The following NEK1 variants were observed in gnomAD, a reference collection of about 807,000 sequenced individuals.
NEK1 encodes serine/threonine-protein kinase Nek1.
Under a neutral mutation model 182.1 loss-of-function variants are expected in NEK1, and 137 were observed. The ratio of observed to expected loss-of-function variants is 0.75; its 90% CI spans 0.65 to 0.87. NEK1 has a LOEUF of 0.87. Ranked by LOEUF, NEK1 falls within the 40% of genes least tolerant of loss-of-function variation. NEK1 has a pLI of 0.00. For synonymous variants in NEK1, 513 were observed against 492.2 expected, an observed-to-expected ratio of 1.04 and a Z score of -0.56; for missense variants, 1,391 against 1,494.4, an observed-to-expected ratio of 0.93 and a Z score of 1.14.
At chr4:169,445,457 G>T (rs1375902751) in intron 27 of NEK1, among the ~76,000 whole-genome samples, 2 of 152,018 alleles carry the variant, frequency 1.3e-5, no homozygotes, top group Non-Finnish European at 2.9e-5. Flanking sequence ...AATAAATAAT[G>T]TAATGATGTA....
At chr4:169,441,354 T>C (rs1739418859) in intron 27 of NEK1, among the ~76,000 whole-genome samples, 1 of 152,194 alleles carries the variant, frequency 6.6e-6, no homozygotes, top group East Asian at 1.9e-4. Flanking sequence ...CTGAGAATGC[T>C]ACCTGGTAGC....
At chr4:169,534,231 G>C (rs1356800414) in intron 19 of NEK1, among the ~76,000 whole-genome samples, 2 of 152,186 alleles carry the variant, frequency 1.3e-5, no homozygotes, top group Non-Finnish European at 2.9e-5. Flanking sequence ...ATATGAAATG[G>C]TTTTCAAACA....
At chr4:169,421,117 TC>T (rs1175624179) in intron 31 of NEK1, among the ~76,000 whole-genome samples, 3 of 152,168 alleles carry the variant, frequency 2.0e-5, no homozygotes, top group Non-Finnish European at 2.9e-5. Flanking sequence ...ATAAAAGGAT[TC>T]ATTTCATGGT....
At chr4:169,542,880 G>A (rs566771770) in intron 18 of NEK1, among the ~76,000 whole-genome samples, 1 of 152,102 alleles carries the variant, frequency 6.6e-6, no homozygotes, top group Non-Finnish European at 1.5e-5. Context: ...GTAGATTCTG[G>A]ATATTAGCCC....
chr4:169,445,842 C>CTATATATATATATATA (rs1206499120), intron 27 of NEK1, among the ~76,000 whole-genome samples: 2 of 108,536 alleles, frequency 1.8e-5, no homozygotes, highest in African/African-American at 9.6e-5. Flanking sequence ...AACAAAACAA[C>CTATATATATATATATA]TATATACATA....
chr4:169,431,940 C>T (rs1737524653), intron 29 of NEK1, among the ~76,000 whole-genome samples: 2 of 151,814 alleles, frequency 1.3e-5, no homozygotes, highest in South Asian at 4.2e-4. Context: ...CACACACACA[C>T]ACACACACAA....
At position 169,477,361 on chromosome 4, in the gene NEK1, C is replaced by A; in HGVS notation, c.2206-9G>T. 6.4e-7 allele frequency: 1 copy of A among 1,559,426 alleles called. No individual in the cohort carries two copies. Among genetic ancestry groups the A allele is most frequent in the South Asian group, 1.2e-5 (1 of 84,170 alleles). On this transcript the variant is annotated splice_polypyrimidine_tract_variant and intron_variant, in intron 25 of 35. Coordinates refer to ENST00000507142, the MANE Select transcript of NEK1 (RefSeq NM_001199397.3). ...AGTATTTCTCGCTTACTCTGAAAGT[C>A]ACGACATTATATATTTTAATATGTA...
intron 23 of NEK1, among the ~76,000 whole-genome samples, chr4:169,487,337 C>T (rs1464688337): frequency 6.6e-6 from 1 of 152,136 alleles, no homozygotes; most frequent in Non-Finnish European, 1.5e-5. Flanking sequence ...TCAAAAGCCC[C>T]AATGTGTGTT....
chr4:169,400,694 G>C, intron 33 of NEK1, 43 bp from the exon 34 acceptor site: 1 of 1,451,896 alleles, frequency 6.9e-7, no homozygotes, highest in Admixed American at 2.1e-5. Flanking sequence ...TAAAAAGACT[G>C]AATAACTCAT....
At chr4:169,590,902 G>C in intron 5 of NEK1, 93 bp from the exon 6 acceptor site, 1 of 806,620 alleles carries the variant, frequency 1.2e-6, no homozygotes, top group East Asian at 2.7e-5. Flanking sequence ...TCCTTAAAAA[G>C]ATATTTTAGG....
chr4:169,398,986 A>G (rs1731172953), intron 35 of NEK1, among the ~76,000 whole-genome samples: 2 of 152,146 alleles, frequency 1.3e-5, no homozygotes, highest in Non-Finnish European at 2.9e-5. Flanking sequence ...AGTGGCTCAC[A>G]CCTGTAATCC....
chr4:169,589,604 A>T (rs1581003786), intron 6 of NEK1, 90 bp from the exon 7 acceptor site: 5 of 848,744 alleles, frequency 5.9e-6, no homozygotes, highest in Admixed American at 3.2e-5. Flanking sequence ...AAATCCAGTT[A>T]AAAAAATTGT....
intron 5 of NEK1, among the ~76,000 whole-genome samples, chr4:169,594,697 T>C (rs1769135592): frequency 6.6e-6 from 1 of 152,232 alleles, no homozygotes; most frequent in Non-Finnish European, 1.5e-5. Flanking sequence ...TTCAGGATAC[T>C]TCTCACTAAA....
In NEK1 at chr4:169,543,036, G is replaced by A. The variant is rs140966988; in HGVS notation, c.1563-5125C>T. Among the ~76,000 whole-genome samples the A allele has an allele frequency of 3.5e-3, 525 of 152,076 alleles. 3 individuals are homozygous for A. The highest frequency in any genetic ancestry group is 9.6e-3 in the African/African-American group (398 of 41,482). On this transcript the variant is annotated intron_variant, in intron 18 of 35. Transcript: ENST00000507142. ...TTTATTTTTAGTTGCCATTGTTTTG[G>A]GTGTTTTAGTCATGAAGTCTTTGAC... is the stretch of plus-strand genomic sequence containing the variant.
At chr4:169,521,543 T>C (rs34335628) in intron 19 of NEK1, among the ~76,000 whole-genome samples, 6,266 of 152,300 alleles carry the variant, frequency 0.041, 169 homozygotes, top group African/African-American at 0.063. Flanking sequence ...TGCAATAACT[T>C]CTTAGTGCAT....
chr4:169,589,998 A>G (rs138525853), intron 6 of NEK1, among the ~76,000 whole-genome samples: 301 of 152,268 alleles, frequency 2.0e-3, no homozygotes, highest in African/African-American at 7.1e-3. Context: ...AAAAAACCAA[A>G]TAGTATGACT....
chr4:169,558,312 TA>T (rs1762434420), intron 16 of NEK1, among the ~76,000 whole-genome samples: 1 of 152,216 alleles, frequency 6.6e-6, no homozygotes, highest in African/African-American at 2.4e-5. Flanking sequence ...TTATGTACAA[TA>T]AAAATTCACC....
At chr4:169,413,834 C>T (rs6419974) in intron 31 of NEK1, among the ~76,000 whole-genome samples, 133,491 of 152,214 alleles carry the variant, frequency 0.88, 58,654 homozygotes, top group Middle Eastern at 0.94. Context: ...CTGGGCTACA[C>T]GGTGAAACTC....
At chr4:169,446,966 A>G (rs1740690263) in intron 27 of NEK1, among the ~76,000 whole-genome samples, 1 of 151,572 alleles carries the variant, frequency 6.6e-6, no homozygotes, top group African/African-American at 2.4e-5. Context: ...TCAGAAGGGC[A>G]AATCTAAGAG....
Sources: gnomAD v4.1 joint callset for allele counts (sites outside exome capture counted in the v4.1 genomes callset) on GRCh38, gnomAD v4.1.1 for gene constraint, MANE v1.5 for transcripts, NCBI Gene and HGNC (gene_info 2026-07-23, HGNC 2026-07-21) for gene names.